The following PARP3 variants were observed in gnomAD, a reference collection of about 807,000 sequenced individuals.
The protein encoded by PARP3 is poly(ADP-ribose) polymerase family member 3.
A neutral mutation model predicts 58.2 loss-of-function variants in PARP3; 46 were observed. The ratio of observed to expected loss-of-function variants is 0.79; its 90% CI spans 0.62 to 1.01. The LOEUF is 1.01. Ranked by LOEUF, PARP3 falls within the 50% of genes least tolerant of loss-of-function variation. PARP3 has a pLI of 0.00. For synonymous variants in PARP3, 252 were observed against 266.4 expected (o/e 0.95, Z 0.53); for missense variants, 663 against 683.9 (o/e 0.97, Z 0.34).
At position 51,944,911 on chromosome 3, in the gene PARP3, G is replaced by T. The variant is rs1373908173; in HGVS notation, c.634+1G>T. 3 of 1,613,878 alleles carry T rather than the reference G, an allele frequency of 1.9e-6. No homozygotes were observed. Among genetic ancestry groups the T allele is most frequent in the East Asian group, 2.2e-5 (1 of 44,888 alleles). On this transcript the variant is annotated splice_donor_variant, in intron 5 of 10. Coordinates refer to ENST00000398755, the MANE Select transcript of PARP3 (RefSeq NM_001003931.4). LOFTEE classifies it high-confidence loss of function. This position sits in a 1 kb window ranked among gnomAD's most constrained non-coding sequence, Gnocchi z 4.2. ...AACACCATGGCCCTCATGGACCTGG[G>T]TGAGGGGTGAGAGGCAGGCAGGGTG...
chr3:51,945,244 C>T lies in PARP3; in HGVS notation c.861+20C>T, dbSNP rs1414252305. ...CTGCTGGTGAGGGCTGGCAGGGGTG[C>T]GGGCAGGCAGTGGGGCACTGAACAG... On this transcript the variant is annotated intron_variant, in intron 6 of 10. Coordinates refer to ENST00000398755, the MANE Select transcript of PARP3 (RefSeq NM_001003931.4). The T allele has an allele frequency of 7.5e-6, 12 of 1,605,410 alleles. No individual in the cohort carries two copies. Among genetic ancestry groups the T allele is most frequent in the Middle Eastern group, 1.7e-4 (1 of 5,906 alleles).
rs1365666703 is a variant in PARP3 at position 51,946,153 on chromosome 3, C to T, written c.1099-13C>T. Reference sequence around the variant, plus strand: ...GTGGCATCACTCCCATTTCTCACTTCCTCTCCACTCAGGAAGACAGATTCC... The same window carrying T: ...GTGGCATCACTCCCATTTCTCACTTTCTCTCCACTCAGGAAGACAGATTCC... On this transcript the variant is annotated splice_polypyrimidine_tract_variant and intron_variant, in intron 8 of 10. Transcript: ENST00000398755. This position sits in a 1 kb window ranked among gnomAD's most constrained non-coding sequence, Gnocchi z 4.6. The T allele has an allele frequency of 6.3e-7, 1 of 1,579,136 alleles. No individual in the cohort carries two copies. The highest frequency in any genetic ancestry group is 1.7e-5 in the Admixed American group (1 of 57,382).
At position 51,946,356 on chromosome 3, in the gene PARP3, T is replaced by A; in HGVS notation, c.1276+13T>A. On this transcript the variant is annotated intron_variant, in intron 9 of 10. Transcript: ENST00000398755. The surrounding 1 kb of genome is among the most constrained non-coding windows in gnomAD (Gnocchi z 4.6). ...TCAGCTGGATATGGTGAGGTGCCCC[T>A]CTGGGCCAAGCCCTGGGAGGGTTGG... The A allele has an allele frequency of 1.3e-6, 2 of 1,588,388 alleles. No individual in the cohort carries two copies. The highest frequency in any genetic ancestry group is 1.7e-6 in the Non-Finnish European group (2 of 1,166,260).
chr3:51,945,422 C>T, intron 6 of PARP3, 73 bp from the exon 7 acceptor site: 1 of 1,536,758 alleles, frequency 6.5e-7, no homozygotes, highest in South Asian at 1.2e-5. Flanking sequence ...GCTACAATAC[C>T]AGTCATGTGA....
At position 51,946,302 on chromosome 3, in the gene PARP3, G is replaced by C. The variant is rs371906755; in HGVS notation, c.1235G>C (p.Gly412Ala). ...CATTCTGGTGGGCGTGTTGGCAAGG[G>C]CATCTACTTTGCCTCAGAGAACAGC... ...MPHSGGRVGKGIYFASENSKS... is the reference protein window; with the variant it reads ...MPHSGGRVGKAIYFASENSKS... The change falls in exon 9 of 11, where the codon GGC (glycine) becomes GCC (alanine). Residue 412 changes from glycine to alanine, a missense_variant. Around this residue, in one of 3 missense-constraint regions of PARP3, gnomAD observed 567 missense variants for 553.6 expected, o/e 1.02. Transcript: ENST00000398755. This position sits in a 1 kb window ranked among gnomAD's most constrained non-coding sequence, Gnocchi z 4.6. The C allele has an allele frequency of 1.2e-6, 2 of 1,613,350 alleles. No homozygotes were observed. Among genetic ancestry groups the C allele is most frequent in the Non-Finnish European group, 1.7e-6 (2 of 1,179,596 alleles).
Position 51,946,226 on chromosome 3 carries a change from A to T in PARP3, c.1159A>T (p.Asn387Tyr). 1 of 1,613,786 alleles carries T rather than the reference A, an allele frequency of 6.2e-7. No homozygotes were observed. The highest frequency in any genetic ancestry group is 8.5e-7 in the Non-Finnish European group (1 of 1,179,792). ...GNRKLLWHGT[N>Y]MAVVAAILTS... ...TCGGAAGCTGCTGTGGCATGGCACC[A>T]ACATGGCCGTGGTGGCCGCCATCCT... is the stretch of plus-strand genomic sequence containing the variant. Residue 387 changes from asparagine (N) to tyrosine (Y), a missense_variant, in exon 9 of 11, where the codon AAC (asparagine) becomes TAC (tyrosine). Transcript: ENST00000398755. The surrounding 1 kb of genome is among the most constrained non-coding windows in gnomAD (Gnocchi z 4.6).
At chr3:51,943,191 C>T (rs1043431835) in intron 1 of PARP3, 163 bp from the exon 2 acceptor site, 37 of 923,756 alleles carry the variant, frequency 4.0e-5, no homozygotes, top group African/African-American at 6.7e-5. Flanking sequence ...CTGGGAATGC[C>T]GTCAGAGTGG....
Position 51,948,769 on chromosome 3 carries a change from G to A in PARP3, c.*289G>A. The A allele has an allele frequency of 2.6e-6, 1 of 385,918 alleles. No homozygotes were observed. 23.9% of individuals were successfully genotyped at this position (385,918 alleles called of 1,614,324 possible). A position where few individuals can be genotyped will look rare whatever the true frequency, so the allele number is the denominator to read the frequency against. On this transcript the variant is annotated 3_prime_UTR_variant, in exon 11 of 11. Transcript: ENST00000398755. ...AGGTTCCACATGTAAGTGAGATCAT[G>A]CAGTGTTTGTCTTTCTGTGCCTGGC...
At position 51,946,394 on chromosome 3, in the gene PARP3, T is replaced by C. The variant is rs1212896035; in HGVS notation, c.1276+51T>C. 4.8e-6 allele frequency: 7 copies of C among 1,445,620 alleles called. No individual in the cohort carries two copies. The highest frequency in any genetic ancestry group is 6.6e-6 in the Non-Finnish European group (7 of 1,059,508). 89.5% of individuals were successfully genotyped at this position (1,445,620 alleles called of 1,614,324 possible). A position where few individuals can be genotyped will look rare whatever the true frequency, so the allele number is the denominator to read the frequency against. ...CTGGGAGGGTTGGCACTAAGATGGA[T>C]TGGGCCCAGTCCTTGGCCACTGGAA... On this transcript the variant is annotated intron_variant, in intron 9 of 10. Coordinates refer to ENST00000398755, the MANE Select transcript of PARP3 (RefSeq NM_001003931.4). The surrounding 1 kb of genome is among the most constrained non-coding windows in gnomAD (Gnocchi z 4.6).
Position 51,944,521 on chromosome 3 carries a change from C to T in PARP3, c.444C>T (p.Gly148=). The stretch of plus-strand genomic sequence containing the variant: ...GGGACCACTTTGTGTCTCACCCGGG[C>T]AAGTACACACTTATCGAAGTACAGG... The part of the protein sequence containing the change: ...AERDHFVSHP[G]KYTLIEVQAE... The change falls in exon 4 of 11, where the codon GGC becomes GGT. Residue 148 remains glycine, a synonymous_variant. Coordinates refer to ENST00000398755, the MANE Select transcript of PARP3 (RefSeq NM_001003931.4). This position sits in a 1 kb window ranked among gnomAD's most constrained non-coding sequence, Gnocchi z 4.2. 1.2e-6 allele frequency: 2 copies of T among 1,614,190 alleles called. No individual in the cohort carries two copies. The highest frequency in any genetic ancestry group is 1.1e-5 in the South Asian group (1 of 91,082).
chr3:51,943,434 G>A lies in PARP3; in HGVS notation c.79G>A (p.Asp27Asn). 2 of 1,606,996 alleles carry A rather than the reference G, an allele frequency of 1.2e-6. No homozygotes were observed. The highest frequency in any genetic ancestry group is 8.5e-7 in the Non-Finnish European group (1 of 1,177,224). The change falls in exon 2 of 11, where the codon GAC becomes AAC. Residue 27 changes from aspartate (D) to asparagine (N), a missense_variant. Transcript: ENST00000398755. ...KKGRQAGREE[D>N]PFRSTAEALK... ...GGGCCGGCAGGCAGGAAGGGAGGAG[G>A]ACCCCTTCCGCTCCACCGCTGAGGC... is the stretch of plus-strand genomic sequence containing the variant.
At chr3:51,947,601 G>C (rs191558392) in intron 9 of PARP3, 139 bp from the exon 10 acceptor site, 2 of 843,890 alleles carry the variant, frequency 2.4e-6, no homozygotes, top group East Asian at 2.7e-5. Context: ...GACAAGGAGG[G>C]AGTGACGGTT....
In PARP3 at chr3:51,948,379, C is replaced by T. The variant is rs201864296; in HGVS notation, c.1501C>T (p.Pro501Ser). 1 of 1,614,094 alleles carries T rather than the reference C, an allele frequency of 6.2e-7. No homozygotes were observed. Among genetic ancestry groups the T allele is most frequent in the Non-Finnish European group, 8.5e-7 (1 of 1,179,944 alleles). The part of the protein sequence containing the change: ...QVVVPQGQPV[P>S]CPEFSSSTFS... ...GGTGGTGCCCCAGGGCCAGCCTGTG[C>T]CCTGCCCAGAGTTCAGCAGCTCCAC... is the stretch of plus-strand genomic sequence containing the variant. Residue 501 changes from proline (P) to serine (S), a missense_variant, in exon 11 of 11, where the codon CCC becomes TCC. Physicochemically the swap from Pro to Ser is moderately conservative, Grantham distance 74. Transcript: ENST00000398755.
chr3:51,945,771 G>A lies in PARP3; in HGVS notation c.1012-82G>A, dbSNP rs995912308. The A allele has an allele frequency of 7.2e-6, 11 of 1,529,366 alleles. 1 individual carries two copies. The highest frequency in any genetic ancestry group is 3.4e-5 in the South Asian group (3 of 88,816). The allele number at this position is 1,529,366 out of a possible 1,614,324, so 94.7% of individuals were successfully genotyped here. A position where few individuals can be genotyped will look rare whatever the true frequency, so the allele number is the denominator to read the frequency against. On this transcript the variant is annotated intron_variant, in intron 7 of 10. Transcript: ENST00000398755. ...TTCCTGTGTCTCCAGGGCCTGAGGA[G>A]GGCTTGGGACTGGGGGAAGAAAAAT... is the stretch of plus-strand genomic sequence containing the variant.
At position 51,944,282 on chromosome 3, in the gene PARP3, G is replaced by T; in HGVS notation, c.312+65G>T. ...CTCAAAAGGCCACAGCTACTGACTT[G>T]GGGGGGCACCTCCCAACTGTCCCAG... is the stretch of plus-strand genomic sequence containing the variant. On this transcript the variant is annotated intron_variant, in intron 3 of 10. Coordinates refer to ENST00000398755, the MANE Select transcript of PARP3 (RefSeq NM_001003931.4). This position sits in a 1 kb window ranked among gnomAD's most constrained non-coding sequence, Gnocchi z 4.2. 1 of 1,605,884 alleles carries T rather than the reference G, an allele frequency of 6.2e-7. No individual in the cohort carries two copies. The highest frequency in any genetic ancestry group is 8.5e-7 in the Non-Finnish European group (1 of 1,174,636).
intron 10 of PARP3, 129 bp from the exon 11 acceptor site, chr3:51,948,182 G>GAGGTGGGCA (rs1176553427): frequency 1.0e-5 from 10 of 982,656 alleles, no homozygotes; most frequent in African/African-American, 1.6e-5. Flanking sequence ...CAGTGGTTTG[G>GAGGTGGGCA]AGGTGGGCAA....
chr3:51,944,052 C>A lies in PARP3; in HGVS notation c.184-37C>A, dbSNP rs760333205. The A allele has an allele frequency of 3.7e-6, 6 of 1,603,346 alleles. No homozygotes were observed. The South Asian group carries it at 5.6e-5, about 15-fold the overall frequency. ...TGTACGGCCAGGCACCCCATCTGAC[C>A]CCAGCCAGCCTGCCCCCCACCTCCC... On this transcript the variant is annotated intron_variant, in intron 2 of 10. Coordinates refer to ENST00000398755, the MANE Select transcript of PARP3 (RefSeq NM_001003931.4). The surrounding 1 kb of genome is among the most constrained non-coding windows in gnomAD (Gnocchi z 4.2).
intron 2 of PARP3, among the ~76,000 whole-genome samples, chr3:51,943,789 A>C (rs1018393500): frequency 6.6e-6 from 1 of 152,070 alleles, no homozygotes; most frequent in African/African-American, 2.4e-5. Context: ...TGACTACATC[A>C]GTCTCCTGGG....
At position 51,945,848 on chromosome 3, in the gene PARP3, C is replaced by A; in HGVS notation, c.1012-5C>A. ...CCTGGCAACCAGCTTCTGCTCTCCC[C>A]ACAGGTGATACAGACCTACTTAGAA... On this transcript the variant is annotated splice_region_variant and splice_polypyrimidine_tract_variant and intron_variant, in intron 7 of 10. Transcript: ENST00000398755. 6.2e-7 allele frequency: 1 copy of A among 1,613,166 alleles called. No individual in the cohort carries two copies. The highest frequency in any genetic ancestry group is 1.1e-5 in the South Asian group (1 of 91,042).
Sources: allele counts gnomAD v4.1 joint callset (sites outside exome capture counted in the v4.1 genomes callset), GRCh38; gene constraint gnomAD v4.1.1; regional missense constraint gnomAD v4.1.1; non-coding constraint Gnocchi (gnomAD v3.1); transcripts MANE v1.5; gene names NCBI Gene and HGNC (gene_info 2026-07-23, HGNC 2026-07-21).